Variants in RABGAP1L observed in about 807,000 individuals in gnomAD.
RABGAP1L encodes RAB GTPase activating protein 1 like.
A neutral mutation model predicts 137.7 loss-of-function variants in RABGAP1L; 63 were observed. The observed-to-expected ratio is 0.46, with a 90% CI of 0.37 to 0.56. The LOEUF (loss-of-function observed/expected upper bound fraction) is 0.56, where lower values mean the gene tolerates loss of function less well. RABGAP1L is among the 20% of genes least tolerant of loss of function. The pLI, the probability that RABGAP1L is intolerant of heterozygous loss-of-function variation, is 0.00. For synonymous variants in RABGAP1L, 431 were observed against 433.7 expected (o/e 0.99, Z 0.08); for missense variants, 1,095 against 1,244.0 (o/e 0.88, Z 1.80).
intron 17 of RABGAP1L, among the ~76,000 whole-genome samples, chr1:174,710,960 A>ACGGTGG (rs1357307575): frequency 6.6e-6 from 1 of 152,150 alleles, no homozygotes; most frequent in African/African-American, 2.4e-5. Context: ...GCAGGAGCCC[A>ACGGTGG]CGGTGGCGGG....
chr1:174,441,835 CTTT>C (rs79368665), intron 13 of RABGAP1L, among the ~76,000 whole-genome samples: 5 of 138,896 alleles, frequency 3.6e-5, no homozygotes, highest in Admixed American at 7.3e-5. Flanking sequence ...GCTGCTGAAG[CTTT>C]TTTTTTTTTT....
intron 14 of RABGAP1L, among the ~76,000 whole-genome samples, chr1:174,678,312 AC>A (rs1474298803): frequency 6.6e-6 from 1 of 152,198 alleles, no homozygotes; most frequent in Admixed American, 6.5e-5. Context: ...TACCAGTCTT[AC>A]GCAAAACTCT....
At chr1:174,664,677 A>AATTTTGTG (rs1483411749) in intron 14 of RABGAP1L, among the ~76,000 whole-genome samples, 1 of 148,560 alleles carries the variant, frequency 6.7e-6, no homozygotes, top group Non-Finnish European at 1.5e-5. Flanking sequence ...CACTCTAGTG[A>AATTTTGTG]ATTTTGTGAT....
At chr1:174,686,684 G>A (rs1189681870) in intron 15 of RABGAP1L, among the ~76,000 whole-genome samples, 3 of 128,218 alleles carry the variant, frequency 2.3e-5, no homozygotes, top group Non-Finnish European at 4.8e-5. Flanking sequence ...TTGAGATGGA[G>A]TCTCGCTCAG....
chr1:174,498,208 G>C (rs1003734091), intron 13 of RABGAP1L, among the ~76,000 whole-genome samples: 1 of 152,010 alleles, frequency 6.6e-6, no homozygotes, highest in African/African-American at 2.4e-5. Flanking sequence ...CAAAAGAAGA[G>C]TGAAGTAATA....
At chr1:174,626,319 T>C (rs1672938925) in intron 13 of RABGAP1L, among the ~76,000 whole-genome samples, 1 of 152,230 alleles carries the variant, frequency 6.6e-6, no homozygotes, top group South Asian at 2.1e-4. Flanking sequence ...CCTAGTCTTA[T>C]AGTCTTTAAA....
intron 19 of RABGAP1L, among the ~76,000 whole-genome samples, chr1:174,925,247 T>C (rs771502739): frequency 6.8e-6 from 1 of 146,450 alleles, no homozygotes; most frequent in Non-Finnish European, 1.5e-5. Context: ...CGCCTGGAGG[T>C]TGAGGCAGGA....
chr1:174,500,713 C>T (rs565455481), intron 13 of RABGAP1L, among the ~76,000 whole-genome samples: 1 of 152,054 alleles, frequency 6.6e-6, no homozygotes, highest in Admixed American at 6.5e-5. Context: ...ATGCCATAAC[C>T]TTCTGATATA....
At chr1:174,889,366 C>T (rs1655731807) in intron 19 of RABGAP1L, among the ~76,000 whole-genome samples, 1 of 151,926 alleles carries the variant, frequency 6.6e-6, no homozygotes, top group Admixed American at 6.6e-5. Flanking sequence ...TTGTGGTCCG[C>T]CCGCCTCAGC....
chr1:174,640,831 C>G lies in RABGAP1L; in HGVS notation c.1824+3343C>G, dbSNP rs561019715. ...CATAGCAAACATCCTTTTCTTGCTCCTGATTTGAAAGGAAATGCATCTAAT... is the reference window on the plus strand; with the variant it reads ...CATAGCAAACATCCTTTTCTTGCTCGTGATTTGAAAGGAAATGCATCTAAT... On this transcript the variant is annotated intron_variant, in intron 14 of 25. Coordinates refer to ENST00000681986, the MANE Select transcript of RABGAP1L (RefSeq NM_001366446.1). 3.3e-5 allele frequency among the ~76,000 whole-genome samples: 5 copies of G among 151,538 alleles called. No homozygotes were observed. In the East Asian group the frequency reaches 5.8e-4, roughly 18 times the overall value.
chr1:174,254,773 T>C (rs1571796536), intron 7 of RABGAP1L, among the ~76,000 whole-genome samples: 1 of 152,210 alleles, frequency 6.6e-6, no homozygotes, highest in East Asian at 1.9e-4. Flanking sequence ...GTCTTTGCTA[T>C]TGTGAATAGT....
intron 13 of RABGAP1L, among the ~76,000 whole-genome samples, chr1:174,632,336 C>A (rs2148318068): frequency 6.7e-6 from 1 of 149,248 alleles, no homozygotes; most frequent in East Asian, 1.9e-4. Flanking sequence ...TTTTTTCCTT[C>A]ATTTCAACTT....
chr1:174,976,300 T>C lies in RABGAP1L; in HGVS notation c.2649+118T>C, dbSNP rs1422733113. 6 of 838,424 alleles carry C rather than the reference T, an allele frequency of 7.2e-6. No individual in the cohort carries two copies. The Admixed American group carries it at 1.3e-4, about 19-fold the overall frequency. The allele number at this position is 838,424 out of a possible 1,614,324, so 51.9% of individuals were successfully genotyped here. A position where few individuals can be genotyped will look rare whatever the true frequency, so the allele number is the denominator to read the frequency against. On this transcript the variant is annotated intron_variant, in intron 22 of 25. Transcript: ENST00000681986. The stretch of plus-strand genomic sequence containing the variant: ...ATCAAAGGTGATGTTAAAGCAGTAA[T>C]GTAAGTAGTTGAGTGTACTTACTCA...
intron 7 of RABGAP1L, among the ~76,000 whole-genome samples, chr1:174,253,327 A>C (rs1309987487): frequency 6.6e-6 from 1 of 152,144 alleles, no homozygotes; most frequent in Non-Finnish European, 1.5e-5. Context: ...GTATGGGGCA[A>C]AGGGAATTCT....
At chr1:174,359,542 G>T (rs1179333968) in intron 11 of RABGAP1L, among the ~76,000 whole-genome samples, 1 of 152,194 alleles carries the variant, frequency 6.6e-6, no homozygotes, top group Non-Finnish European at 1.5e-5. Context: ...TCTTGGGCAT[G>T]TTCCTTTAAT....
At chr1:174,192,532 G>T (rs1269779245) in intron 1 of RABGAP1L, among the ~76,000 whole-genome samples, 1 of 152,002 alleles carries the variant, frequency 6.6e-6, no homozygotes, top group Non-Finnish European at 1.5e-5. Flanking sequence ...CATCTTGCCA[G>T]ACTGGTCTCG....
chr1:174,476,154 T>C (rs1658484771), intron 13 of RABGAP1L, among the ~76,000 whole-genome samples: 1 of 152,158 alleles, frequency 6.6e-6, no homozygotes, highest in Non-Finnish European at 1.5e-5. Flanking sequence ...CTCAGTCCTC[T>C]ATGTAAGAGA....
intron 13 of RABGAP1L, among the ~76,000 whole-genome samples, chr1:174,498,692 G>A (rs1021247480): frequency 7.0e-5 from 10 of 143,570 alleles, no homozygotes; most frequent in African/African-American, 2.3e-4. Flanking sequence ...TGTATTTTTA[G>A]TAAAGATGGG....
chr1:174,327,988 T>TAC (rs1558136232), intron 11 of RABGAP1L, among the ~76,000 whole-genome samples: 281 of 22,786 alleles, frequency 0.012, 13 homozygotes, highest in African/African-American at 0.036. Flanking sequence ...TACACACACA[T>TAC]ATATATATAT....
Sources: allele counts gnomAD v4.1 joint callset (sites outside exome capture counted in the v4.1 genomes callset), GRCh38; gene constraint gnomAD v4.1.1; transcripts MANE v1.5; gene names NCBI Gene and HGNC (gene_info 2026-07-23, HGNC 2026-07-21).